ADGRL4: variants seen among roughly 807,000 people sequenced by gnomAD.
ADGRL4 encodes adhesion G protein-coupled receptor L4.
A neutral mutation model predicts 74.8 loss-of-function variants in ADGRL4; 90 were observed. That is an observed-to-expected ratio of 1.20 (90% CI 1.02 to 1.43). ADGRL4 has a LOEUF of 1.43. Among genes scored for constraint, ADGRL4 ranks in the 40% most tolerant of loss-of-function variants. ADGRL4 has a pLI of 0.00. For missense variants in ADGRL4, 881 were observed against 814.3 expected (o/e 1.08, Z -1.00); for synonymous variants, 311 against 279.2 (o/e 1.11, Z -1.14).
At chr1:78,897,090 T>C (rs574274176) in intron 12 of ADGRL4, among the ~76,000 whole-genome samples, 2 of 152,302 alleles carry the variant, frequency 1.3e-5, no homozygotes, top group African/African-American at 4.8e-5. Flanking sequence ...TTCAATTTTA[T>C]GGAAATGTAG....
intron 2 of ADGRL4, among the ~76,000 whole-genome samples, chr1:78,976,356 G>T (rs561620196): frequency 2.6e-5 from 4 of 151,930 alleles, no homozygotes; most frequent in African/African-American, 9.6e-5. Context: ...AGGACATTGG[G>T]TAGAATGTTT....
chr1:78,949,476 T>A (rs1557509343), intron 2 of ADGRL4, among the ~76,000 whole-genome samples: 1 of 152,152 alleles, frequency 6.6e-6, no homozygotes. Flanking sequence ...AATTCCCTAA[T>A]GTTCCAACTC....
intron 12 of ADGRL4, among the ~76,000 whole-genome samples, chr1:78,902,928 C>T (rs1648548484): frequency 6.6e-6 from 1 of 151,920 alleles, no homozygotes; most frequent in Non-Finnish European, 1.5e-5. Flanking sequence ...ACAAAGCTTT[C>T]CATCCTTTAG....
chr1:79,006,296 G>A (rs1031593476), intron 1 of ADGRL4, among the ~76,000 whole-genome samples: 3 of 152,132 alleles, frequency 2.0e-5, no homozygotes, highest in Non-Finnish European at 4.4e-5. Context: ...CTCAAATCTG[G>A]CCCGGCAATC....
Position 78,938,235 on chromosome 1 carries a change from A to C in ADGRL4, c.441T>G (p.Tyr147Ter). Residue 147 changes from tyrosine (Y) to a stop codon, truncating the protein, a stop_gained, in exon 5 of 15, where the codon TAT becomes TAG. Transcript: ENST00000370742. LOFTEE classifies it high-confidence loss of function. ...GTGAAAGATCTGTCACAGAATTTCT[A>C]TAGACTTCTTGTAGCAAAGCCACAG... is the stretch of plus-strand genomic sequence containing the variant. Reference protein sequence around the residue: ...KEPVALLQEVYRNSVTDLSPT... With the variant: ...KEPVALLQEV The C allele has an allele frequency of 6.2e-6, 10 of 1,609,358 alleles. No individual in the cohort carries two copies. The highest frequency in any genetic ancestry group is 8.5e-6 in the Non-Finnish European group (10 of 1,178,922).
At chr1:78,943,399 G>A (rs1045723038) in intron 3 of ADGRL4, among the ~76,000 whole-genome samples, 3 of 152,170 alleles carry the variant, frequency 2.0e-5, no homozygotes, top group African/African-American at 4.8e-5. Context: ...GTTTTACTGT[G>A]ATTCAAAGAG....
intron 2 of ADGRL4, among the ~76,000 whole-genome samples, chr1:78,992,320 G>A (rs1473692839): frequency 6.6e-6 from 1 of 151,902 alleles, no homozygotes; most frequent in Admixed American, 6.6e-5. Context: ...CGGATTTCTT[G>A]GTAATATAAA....
At chr1:78,902,684 C>T (rs1648544616) in intron 12 of ADGRL4, among the ~76,000 whole-genome samples, 1 of 152,108 alleles carries the variant, frequency 6.6e-6, no homozygotes, top group South Asian at 2.1e-4. Flanking sequence ...CAGTTATTGC[C>T]TTTGAGAAAT....
At chr1:78,974,451 C>A (rs1650238137) in intron 2 of ADGRL4, among the ~76,000 whole-genome samples, 1 of 152,114 alleles carries the variant, frequency 6.6e-6, no homozygotes, top group Non-Finnish European at 1.5e-5. Flanking sequence ...GAAATGTACA[C>A]AAATGACATT....
chr1:78,928,209 C>T (rs1299506809), intron 7 of ADGRL4, among the ~76,000 whole-genome samples: 2 of 151,522 alleles, frequency 1.3e-5, no homozygotes, highest in African/African-American at 4.9e-5. Flanking sequence ...CTAGTTACTG[C>T]TTTCCTTTGT....
chr1:78,919,495 T>G (rs1462285535), intron 10 of ADGRL4, among the ~76,000 whole-genome samples: 1 of 151,938 alleles, frequency 6.6e-6, no homozygotes. Flanking sequence ...ACACCTGTGC[T>G]GACTTTTCCT....
At chr1:78,980,185 T>TAC (rs377455256) in intron 2 of ADGRL4, among the ~76,000 whole-genome samples, 1 of 151,004 alleles carries the variant, frequency 6.6e-6, no homozygotes, top group East Asian at 1.9e-4. Context: ...CACAGACACA[T>TAC]ACACACACAC....
At chr1:78,968,254 G>A (rs890700180) in intron 2 of ADGRL4, among the ~76,000 whole-genome samples, 4 of 151,928 alleles carry the variant, frequency 2.6e-5, no homozygotes, top group Non-Finnish European at 4.4e-5. Context: ...AGTCAGGCTG[G>A]TGGGAAATAT....
chr1:78,984,176 A>G (rs1570271426), intron 2 of ADGRL4, among the ~76,000 whole-genome samples: 2 of 151,770 alleles, frequency 1.3e-5, no homozygotes, highest in African/African-American at 4.8e-5. Flanking sequence ...GATGGTTCTT[A>G]TCACTATTGT....
At chr1:78,922,997 T>A (rs1649033234) in intron 8 of ADGRL4, among the ~76,000 whole-genome samples, 1 of 151,930 alleles carries the variant, frequency 6.6e-6, no homozygotes, top group Non-Finnish European at 1.5e-5. Context: ...AACCCTTAGG[T>A]CAACAGTTGG....
At chr1:78,931,992 G>A (rs541999023) in intron 7 of ADGRL4, among the ~76,000 whole-genome samples, 3 of 151,368 alleles carry the variant, frequency 2.0e-5, no homozygotes, top group South Asian at 4.1e-4. Flanking sequence ...AGACTTTGAC[G>A]CCCCACTGTC....
intron 3 of ADGRL4, among the ~76,000 whole-genome samples, chr1:78,944,494 T>C (rs977429088): frequency 3.3e-5 from 5 of 152,212 alleles, no homozygotes; most frequent in African/African-American, 1.2e-4. Context: ...AATGTTGTTA[T>C]GCTATATTGC....
chr1:78,958,488 G>A (rs1037495884), intron 2 of ADGRL4, among the ~76,000 whole-genome samples: 6 of 152,160 alleles, frequency 3.9e-5, no homozygotes, highest in Non-Finnish European at 8.8e-5. Flanking sequence ...ATGACTTGGA[G>A]GGGTTCAAGA....
At chr1:78,988,000 T>A (rs1650532611) in intron 2 of ADGRL4, among the ~76,000 whole-genome samples, 1 of 151,512 alleles carries the variant, frequency 6.6e-6, no homozygotes, top group Admixed American at 6.6e-5. Context: ...CACTGCATTT[T>A]TTTTGTTTCT....
Sources: allele counts gnomAD v4.1 joint callset (sites outside exome capture counted in the v4.1 genomes callset), GRCh38; gene constraint gnomAD v4.1.1; transcripts MANE v1.5; gene names NCBI Gene and HGNC (gene_info 2026-07-23, HGNC 2026-07-21).